The following GALNT7 variants were observed in gnomAD, a reference collection of about 807,000 sequenced individuals.
GALNT7 encodes polypeptide N-acetylgalactosaminyltransferase 7.
Under a neutral mutation model 82.1 loss-of-function variants are expected in GALNT7, and 60 were observed. That is an observed-to-expected ratio of 0.73 (90% confidence interval 0.59 to 0.91). The LOEUF (loss-of-function observed/expected upper bound fraction) is 0.91, where lower values mean the gene tolerates loss of function less well. Ranked by LOEUF, GALNT7 falls within the 40% of genes least tolerant of loss-of-function variation. The pLI is 0.00. For synonymous variants in GALNT7, 243 were observed against 275.1 expected, an observed-to-expected ratio of 0.88 and a Z score of 1.15; for missense variants, 660 against 804.2, an observed-to-expected ratio of 0.82 and a Z score of 2.17.
intron 3 of GALNT7, among the ~76,000 whole-genome samples, chr4:173,294,329 A>T (rs1736644260): frequency 6.6e-6 from 1 of 151,990 alleles, no homozygotes; most frequent in African/African-American, 2.4e-5. Context: ...AGGGGAAAAA[A>T]CATGATTAAG....
chr4:173,308,486 C>G (rs6840382), intron 8 of GALNT7, among the ~76,000 whole-genome samples: 2 of 151,786 alleles, frequency 1.3e-5, no homozygotes, highest in East Asian at 3.9e-4. Flanking sequence ...TAAGCAAAAT[C>G]GAATTTTTGA....
intron 1 of GALNT7, among the ~76,000 whole-genome samples, chr4:173,243,588 A>G (rs1040924419): frequency 1.1e-4 from 17 of 152,138 alleles, no homozygotes; most frequent in African/African-American, 3.4e-4. Flanking sequence ...GTATTACACC[A>G]CTTTATAGCC....
At chr4:173,185,105 C>G (rs570706788) in intron 1 of GALNT7, among the ~76,000 whole-genome samples, 1 of 152,260 alleles carries the variant, frequency 6.6e-6, no homozygotes, top group South Asian at 2.1e-4. Context: ...AGCTGACTGA[C>G]AACCAAAAAA....
intron 2 of GALNT7, among the ~76,000 whole-genome samples, chr4:173,255,569 A>T (rs1279659871): frequency 6.6e-6 from 1 of 151,978 alleles, no homozygotes; most frequent in African/African-American, 2.4e-5. Context: ...TCCCATAACA[A>T]CCCACCCCAG....
At chr4:173,233,247 T>C (rs907853656) in intron 1 of GALNT7, among the ~76,000 whole-genome samples, 1 of 152,204 alleles carries the variant, frequency 6.6e-6, no homozygotes, top group African/African-American at 2.4e-5. Context: ...TTTGGATAAA[T>C]ACCCAGTAGT....
chr4:173,252,374 T>A (rs1168609397), intron 2 of GALNT7, among the ~76,000 whole-genome samples: 2 of 152,232 alleles, frequency 1.3e-5, no homozygotes, highest in Non-Finnish European at 2.9e-5. Context: ...GGCACCTGCA[T>A]AGCTTAGAGA....
intron 1 of GALNT7, among the ~76,000 whole-genome samples, chr4:173,211,272 T>G (rs1733277098): frequency 6.6e-6 from 1 of 152,204 alleles, no homozygotes; most frequent in Non-Finnish European, 1.5e-5. Context: ...GCCTGTACCC[T>G]CACTAGATCT....
intron 2 of GALNT7, among the ~76,000 whole-genome samples, chr4:173,271,259 T>C (rs1031686894): frequency 2.6e-5 from 4 of 152,204 alleles, no homozygotes; most frequent in Non-Finnish European, 5.9e-5. Flanking sequence ...AGGGGTTTGC[T>C]GATTATGAAG....
intron 1 of GALNT7, among the ~76,000 whole-genome samples, chr4:173,171,637 C>T (rs769041582): frequency 3.9e-5 from 6 of 152,356 alleles, no homozygotes; most frequent in Non-Finnish European, 8.8e-5. Context: ...TTATTTCCTT[C>T]CCATCTCTGG....
At chr4:173,219,312 T>C (rs1024967438) in intron 1 of GALNT7, among the ~76,000 whole-genome samples, 1 of 152,122 alleles carries the variant, frequency 6.6e-6, no homozygotes, top group Non-Finnish European at 1.5e-5. Flanking sequence ...CATTCCTTTT[T>C]ATGTCTGAGT....
intron 1 of GALNT7, among the ~76,000 whole-genome samples, chr4:173,224,480 T>A (rs6553686): frequency 0.75 from 114,765 of 152,084 alleles, 44,127 homozygotes; most frequent in East Asian, 0.92. Context: ...CTTTGCTTCT[T>A]GACCTTTTCA....
intron 2 of GALNT7, among the ~76,000 whole-genome samples, chr4:173,271,272 G>A (rs1735711718): frequency 6.6e-6 from 1 of 152,072 alleles, no homozygotes; most frequent in Non-Finnish European, 1.5e-5. Context: ...TTATGAAGCT[G>A]CCAGAGTAAT....
Position 173,190,611 on chromosome 4 carries a change from T to A in GALNT7, c.126+21650T>A, listed in dbSNP as rs539668382. Among the ~76,000 whole-genome samples, 4 of 152,304 alleles carry A rather than the reference T, an allele frequency of 2.6e-5. 1 individual carries two copies. In the South Asian group the frequency reaches 8.3e-4, roughly 32 times the overall value. On this transcript the variant is annotated intron_variant, in intron 1 of 11. Coordinates refer to ENST00000265000, the MANE Select transcript of GALNT7 (RefSeq NM_017423.3). The stretch of plus-strand genomic sequence containing the variant: ...TTTATATTACTTGGTTAACTGTTGA[T>A]TTCAAGTCTCTTTTCAGACTTGTCT...
In GALNT7 at chr4:173,318,469, T is replaced by C; in HGVS notation, c.1746T>C (p.Tyr582=). The C allele has an allele frequency of 6.2e-7, 1 of 1,603,574 alleles. No homozygotes were observed. Among genetic ancestry groups the C allele is most frequent in the Non-Finnish European group, 8.5e-7 (1 of 1,171,954 alleles). ...RINEANQLMQ[Y]DQCLTKGADG... is the part of the protein sequence containing the mutation. Reference sequence around the variant, plus strand: ...ATGAAGCAAATCAACTCATGCAGTATGACCAGTGTTTGACAAAGGGAGCTG... The same window carrying C: ...ATGAAGCAAATCAACTCATGCAGTACGACCAGTGTTTGACAAAGGGAGCTG... Residue 582 remains tyrosine, a synonymous_variant, in exon 11 of 12, where the codon TAT becomes TAC. Transcript: ENST00000265000.
intron 1 of GALNT7, among the ~76,000 whole-genome samples, chr4:173,197,754 G>A (rs1009593804): frequency 1.3e-5 from 2 of 152,154 alleles, no homozygotes; most frequent in South Asian, 2.1e-4. Flanking sequence ...GGAGAGAAGT[G>A]GGGGGATGAA....
chr4:173,177,678 A>G (rs139055672), intron 1 of GALNT7, among the ~76,000 whole-genome samples: 1 of 152,290 alleles, frequency 6.6e-6, no homozygotes, highest in Non-Finnish European at 1.5e-5. Flanking sequence ...AGATGTTAAA[A>G]TGTTTGAGAA....
At chr4:173,241,705 C>A (rs1004684250) in intron 1 of GALNT7, among the ~76,000 whole-genome samples, 1 of 152,088 alleles carries the variant, frequency 6.6e-6, no homozygotes. Context: ...ATCATGGATC[C>A]CTGCAGCCTA....
At chr4:173,298,035 TC>T in intron 5 of GALNT7, 79 bp from the exon 6 acceptor site, 1 of 1,546,928 alleles carries the variant, frequency 6.5e-7, no homozygotes, top group African/African-American at 1.4e-5. Context: ...CTTTTTTTTT[TC>T]TTCCCCATGA....
At chr4:173,318,289 G>A (rs1483140774) in intron 10 of GALNT7, 142 bp from the exon 11 acceptor site, 3 of 602,628 alleles carry the variant, frequency 5.0e-6, no homozygotes, top group Non-Finnish European at 8.7e-6. Context: ...TAATTTGTCT[G>A]TGGACTTACA....
Sources: gnomAD v4.1 joint callset for allele counts (sites outside exome capture counted in the v4.1 genomes callset) on GRCh38, gnomAD v4.1.1 for gene constraint, MANE v1.5 for transcripts, NCBI Gene and HGNC (gene_info 2026-07-23, HGNC 2026-07-21) for gene names.